The following RAPGEF4 variants were observed in gnomAD, a reference collection of about 807,000 sequenced individuals.
RAPGEF4 encodes the protein RAP guanine-nucleotide-exchange factor (GEF) 4.
In RAPGEF4, 66 loss-of-function variants were observed where a neutral mutation model predicts 147.9. The ratio of observed to expected loss-of-function variants is 0.45; its 90% CI spans 0.37 to 0.55. The LOEUF is 0.55. RAPGEF4 is among the 20% of genes least tolerant of loss of function. The pLI is 0.00. For synonymous variants in RAPGEF4, 419 were observed against 442.7 expected (o/e 0.95, Z 0.67); for missense variants, 1,071 against 1,257.3 (o/e 0.85, Z 2.24).
In RAPGEF4 at chr2:172,780,309, G is replaced by T. The variant is rs575177228; in HGVS notation, c.66-14716G>T. On this transcript the variant is annotated intron_variant, in intron 1 of 30. Coordinates refer to ENST00000397081, the MANE Select transcript of RAPGEF4 (RefSeq NM_007023.4). ...CAAAGAAGAATACATTTTAGAGAAG[G>T]ATAATACATTTTAGACGAGACAAAG... Among the ~76,000 whole-genome samples, 3 of 152,324 alleles carry T rather than the reference G, an allele frequency of 2.0e-5. No homozygotes were observed. In the South Asian group the frequency reaches 6.2e-4, roughly 32 times the overall value.
chr2:172,944,156 G>A (rs1247184427), intron 6 of RAPGEF4, among the ~76,000 whole-genome samples: 2 of 152,130 alleles, frequency 1.3e-5, no homozygotes, highest in Non-Finnish European at 2.9e-5. Flanking sequence ...CCTTCCTTCT[G>A]TTCTTGGTAA....
At chr2:172,981,410 A>T (rs1018691278) in intron 10 of RAPGEF4, among the ~76,000 whole-genome samples, 6 of 152,250 alleles carry the variant, frequency 3.9e-5, no homozygotes, top group African/African-American at 1.4e-4. Flanking sequence ...CAAGTAGTAG[A>T]TGAGGGCTCT....
At chr2:172,910,568 G>A (rs926823056) in intron 4 of RAPGEF4, among the ~76,000 whole-genome samples, 3 of 152,208 alleles carry the variant, frequency 2.0e-5, no homozygotes, top group Admixed American at 6.5e-5. Flanking sequence ...TGCCTTGCCC[G>A]TGCTCCACAC....
At chr2:172,796,445 C>T (rs953549929) in intron 2 of RAPGEF4, among the ~76,000 whole-genome samples, 102 of 152,102 alleles carry the variant, frequency 6.7e-4, no homozygotes, top group African/African-American at 2.4e-3. Flanking sequence ...ATTAGCCGGG[C>T]GTGGTGGCAG....
At chr2:172,918,073 TAGAG>T (rs1684275863) in intron 5 of RAPGEF4, 199 bp downstream of exon 5, 1 of 733,300 alleles carries the variant, frequency 1.4e-6, no homozygotes. Flanking sequence ...TCTTAGCTGA[TAGAG>T]AGAGGTATGC....
intron 6 of RAPGEF4, 64 bp from the exon 7 acceptor site, chr2:172,960,696 C>A (rs1559146494): frequency 8.7e-7 from 1 of 1,154,016 alleles, no homozygotes; most frequent in Non-Finnish European, 1.3e-6. Context: ...TATCCCCCAA[C>A]CCATAATTTT....
rs10678095 is a variant in RAPGEF4 at position 172,902,295 on chromosome 2, C to CTTTATTTATTTA, written c.445-15491_445-15480dup. The stretch of plus-strand genomic sequence containing the variant: ...TGGAGCCCATGTCTGCCTGGATCTT[C>CTTTATTTATTTA]TTTATTTATTTATTTATTTATTTAT... On this transcript the variant is annotated intron_variant, in intron 4 of 30. Transcript: ENST00000397081. Among the ~76,000 whole-genome samples the CTTTATTTATTTA allele has an allele frequency of 9.6e-3, 1,428 of 148,436 alleles. 63 individuals are homozygous for CTTTATTTATTTA. In the East Asian group the frequency reaches 0.16, roughly 16 times the overall value.
chr2:173,007,859 AAAGACCTGTGTTT>A (rs1694636925), intron 17 of RAPGEF4, among the ~76,000 whole-genome samples: 1 of 152,360 alleles, frequency 6.6e-6, no homozygotes, highest in South Asian at 2.1e-4. Context: ...TCTGAAGTAA[AAAGACCTGTGTTT>A]AAGACCTGTG....
rs1689871538 is a variant in RAPGEF4 at position 172,966,660 on chromosome 2, GA to G, written c.821-595del. Among the ~76,000 whole-genome samples the G allele has an allele frequency of 5.3e-5, 8 of 152,252 alleles. No homozygotes were observed. The South Asian group carries it at 1.2e-3, about 24-fold the overall frequency. ...TAAATCCTGTTTAAAGGAACAAGAGGAAAAAACTTTAAGACATCAGATTTGG... is the reference window on the plus strand; with the variant it reads ...TAAATCCTGTTTAAAGGAACAAGAGGAAAAACTTTAAGACATCAGATTTGG... On this transcript the variant is annotated intron_variant, in intron 9 of 30. Transcript: ENST00000397081.
intron 1 of RAPGEF4, among the ~76,000 whole-genome samples, chr2:172,793,716 G>T (rs1686056421): frequency 6.6e-6 from 1 of 152,230 alleles, no homozygotes; most frequent in Admixed American, 6.5e-5. Flanking sequence ...TATGTAGTGT[G>T]TAAAACTGTC....
At chr2:172,954,683 C>T (rs1688553883) in intron 6 of RAPGEF4, among the ~76,000 whole-genome samples, 1 of 152,116 alleles carries the variant, frequency 6.6e-6, no homozygotes, top group South Asian at 2.1e-4. Flanking sequence ...ATGAGACATA[C>T]ATTTCAAAGA....
At chr2:172,800,291 G>A (rs1298210123) in intron 3 of RAPGEF4, among the ~76,000 whole-genome samples, 1 of 152,130 alleles carries the variant, frequency 6.6e-6, no homozygotes, top group Admixed American at 6.5e-5. Flanking sequence ...AGATAAACAG[G>A]GCCCAGCTTT....
chr2:172,744,687 C>G (rs939089218), intron 1 of RAPGEF4, among the ~76,000 whole-genome samples: 1 of 152,018 alleles, frequency 6.6e-6, no homozygotes, highest in Non-Finnish European at 1.5e-5. Context: ...TTTTTCTTGC[C>G]TTATTGCATT....
At chr2:173,002,205 A>T (rs1219762091) in intron 17 of RAPGEF4, among the ~76,000 whole-genome samples, 1 of 152,148 alleles carries the variant, frequency 6.6e-6, no homozygotes, top group Non-Finnish European at 1.5e-5. Flanking sequence ...TCACTGTAGG[A>T]TAACTTTCTT....
At chr2:172,819,716 C>T (rs1156391318) in intron 4 of RAPGEF4, among the ~76,000 whole-genome samples, 2 of 152,158 alleles carry the variant, frequency 1.3e-5, no homozygotes, top group South Asian at 2.1e-4. Context: ...CCGCCCGCCT[C>T]GGCCTCCCAA....
chr2:173,048,543 G>A, intron 29 of RAPGEF4, 57 bp from the exon 30 acceptor site: 6 of 1,608,154 alleles, frequency 3.7e-6, no homozygotes, highest in Non-Finnish European at 5.1e-6. Flanking sequence ...TTCCTTTTTG[G>A]ATTGTACTCT....
intron 1 of RAPGEF4, among the ~76,000 whole-genome samples, chr2:172,749,157 G>A (rs181757037): frequency 2.9e-4 from 44 of 152,286 alleles, no homozygotes; most frequent in Admixed American, 2.8e-3. Flanking sequence ...ACCATTCTGG[G>A]GTTTGGAGGA....
At chr2:172,765,432 C>T (rs1466651521) in intron 1 of RAPGEF4, among the ~76,000 whole-genome samples, 1 of 152,132 alleles carries the variant, frequency 6.6e-6, no homozygotes, top group Non-Finnish European at 1.5e-5. Context: ...TTTTGAAGAC[C>T]TGTGTCTAAT....
At chr2:172,967,591 T>G (rs911844171) in intron 10 of RAPGEF4, 147 bp downstream of exon 10, 2 of 752,160 alleles carry the variant, frequency 2.7e-6, no homozygotes, top group Non-Finnish European at 4.0e-6. Context: ...GCCACAGCAG[T>G]GCTTGTCTCT....
Sources: allele counts gnomAD v4.1 joint callset (sites outside exome capture counted in the v4.1 genomes callset), GRCh38; gene constraint gnomAD v4.1.1; transcripts MANE v1.5; gene names NCBI Gene and HGNC (gene_info 2026-07-23, HGNC 2026-07-21).